The following LILRA4 variants were observed in gnomAD, a reference collection of about 807,000 sequenced individuals.
The protein encoded by LILRA4 is leukocyte immunoglobulin-like receptor subfamily A member 4.
In LILRA4, 51 loss-of-function variants were observed where a neutral mutation model predicts 49.5. The ratio of observed to expected loss-of-function variants is 1.03; its 90% CI spans 0.82 to 1.30. The LOEUF is 1.30. Among genes scored for constraint, LILRA4 ranks in the 50% most tolerant of loss-of-function variants. LILRA4 has a pLI of 0.00. For synonymous variants in LILRA4, 272 were observed against 265.6 expected (o/e 1.02, Z -0.23); for missense variants, 624 against 625.6 (o/e 1.00, Z 0.03).
At position 54,337,420 on chromosome 19, in the gene LILRA4, G is replaced by A. The variant is rs866035700; in HGVS notation, c.932C>T (p.Pro311Leu). 1 of 1,611,558 alleles carries A rather than the reference G, an allele frequency of 6.2e-7. No homozygotes were observed. Among genetic ancestry groups the A allele is most frequent in the Non-Finnish European group, 8.5e-7 (1 of 1,179,844 alleles). Residue 311 changes from proline (P) to leucine (L), a missense_variant, in exon 5 of 8, where the codon CCC (proline) becomes CTC (leucine). Transcript: ENST00000291759. ...VSSEWSAPSD[P>L]LDILIAGQIS... ...CTCACCTGCGATCAGGATATCCAGGGGGTCACTGGGGGCCGACCACTCGGA... is the reference window on the plus strand; with the variant it reads ...CTCACCTGCGATCAGGATATCCAGGAGGTCACTGGGGGCCGACCACTCGGA...
At chr19:54,337,806 G>T in intron 4 of LILRA4, 110 bp from the exon 5 acceptor site, 1 of 1,453,366 alleles carries the variant, frequency 6.9e-7, no homozygotes, top group Non-Finnish European at 9.2e-7. Flanking sequence ...TTCTCATTCT[G>T]TATTTGTGTC....
At chr19:54,336,719 G>A (rs906350350) in intron 6 of LILRA4, 122 bp downstream of exon 6, 9 of 1,435,710 alleles carry the variant, frequency 6.3e-6, no homozygotes, top group East Asian at 2.4e-5. Flanking sequence ...AAAGGCCGGG[G>A]CTGATGGAGG....
chr19:54,334,458 C>A (rs2081302407), intron 6 of LILRA4: 1 of 156,016 alleles, frequency 6.4e-6, no homozygotes, highest in African/African-American at 2.4e-5. Flanking sequence ...GACAGCTCCC[C>A]TGTGGTTTCA....
Position 54,336,851 on chromosome 19 carries a change from G to A in LILRA4, c.1245C>T (p.Leu415=), listed in dbSNP as rs147029717. ...GGTCAGCGCCCTCACCTGAGACCACGAGCTCCAGGGGCTCACTGGGGTGAG... is the reference window on the plus strand; with the variant it reads ...GGTCAGCGCCCTCACCTGAGACCACAAGCTCCAGGGGCTCACTGGGGTGAG... ...LLSHPSEPLE[L]VVSGATETLN... The change falls in exon 6 of 8, where the codon CTC becomes CTT. Residue 415 remains leucine (L), a synonymous_variant. Transcript: ENST00000291759. The A allele has an allele frequency of 1.3e-4, 206 of 1,614,204 alleles. 1 individual carries two copies. The Admixed American group carries it at 2.4e-3, about 19-fold the overall frequency.
rs1454839544 is a variant in LILRA4 at position 54,337,711 on chromosome 19, G to T, written c.656-15C>A. The T allele has an allele frequency of 1.2e-6, 2 of 1,609,732 alleles. No homozygotes were observed. Among genetic ancestry groups the T allele is most frequent in the African/African-American group, 1.3e-5 (1 of 74,908 alleles). On this transcript the variant is annotated splice_polypyrimidine_tract_variant and intron_variant, in intron 4 of 7. Transcript: ENST00000291759. ...CCTAGACACGCCTGGAGGGAAAGAT[G>T]AGTTGGGACTCGGAGCGGCTGGTTC...
rs983999305 is a variant in LILRA4, at chr19:54,338,329, A to G, written c.355+67T>C. The G allele has an allele frequency of 7.5e-6, 12 of 1,602,598 alleles. No individual in the cohort carries two copies. In the Admixed American group the frequency reaches 2.0e-4, roughly 27 times the overall value. ...GGGCTGTGAGAAGGGAGACCCCTCG[A>G]GAGCTGAGAGCCGACCCCCTTCCCG... On this transcript the variant is annotated intron_variant, in intron 3 of 7. Transcript: ENST00000291759.
Position 54,339,079 on chromosome 19 carries a change from G to A in LILRA4, c.15C>T (p.Leu5=), listed in dbSNP as rs1182661719. 16 of 1,614,222 alleles carry A rather than the reference G, an allele frequency of 9.9e-6. No individual in the cohort carries two copies. Among genetic ancestry groups the A allele is most frequent in the Non-Finnish European group, 1.3e-5 (15 of 1,180,028 alleles). The change falls in exon 1 of 8, where the codon CTC becomes CTT. Residue 5 remains leucine, a synonymous_variant. Coordinates refer to ENST00000291759, the MANE Select transcript of LILRA4 (RefSeq NM_012276.5). MTLI[L]TSLLFFGLSL... ...TCTCACCAAAGAAGAGCAGGCTTGT[G>A]AGAATGAGGGTCATGGCATCTCCTC...
Position 54,336,837 on chromosome 19 carries a change from T to C in LILRA4, c.1255+4A>G, listed in dbSNP as rs759362892. The C allele has an allele frequency of 4.3e-5, 70 of 1,613,900 alleles. No homozygotes were observed. The Middle Eastern group carries it at 4.9e-4, about 11-fold the overall frequency. On this transcript the variant is annotated splice_donor_region_variant and intron_variant, in intron 6 of 7. Transcript: ENST00000291759. Reference sequence around the variant, plus strand: ...CTCAGAGTGGACAGGGTCAGCGCCCTCACCTGAGACCACGAGCTCCAGGGG... The same window carrying C: ...CTCAGAGTGGACAGGGTCAGCGCCCCCACCTGAGACCACGAGCTCCAGGGG...
At position 54,338,449 on chromosome 19, in the gene LILRA4, T is replaced by C; in HGVS notation, c.302A>G (p.Gln101Arg). Residue 101 changes from glutamine to arginine, a missense_variant, in exon 3 of 8, where the codon CAG (glutamine) becomes CGG (arginine). By Grantham distance (43) the Gln-to-Arg change is conservative. Transcript: ENST00000291759. The part of the protein sequence containing the change: ...EHAGRYHCYY[Q>R]SPAGWSEPSD... ...GGGCTCTGACCAGCCTGCAGGGCTCTGATAGTAACAGTGATATCGCCCTGC... is the reference window on the plus strand; with the variant it reads ...GGGCTCTGACCAGCCTGCAGGGCTCCGATAGTAACAGTGATATCGCCCTGC... 6.2e-7 allele frequency: 1 copy of C among 1,614,164 alleles called. No individual in the cohort carries two copies. The highest frequency in any genetic ancestry group is 8.5e-7 in the Non-Finnish European group (1 of 1,180,012).
chr19:54,337,723 G>C (rs376624049), intron 4 of LILRA4, 27 bp from the exon 5 acceptor site: 108 of 1,601,128 alleles, frequency 6.7e-5, no homozygotes, highest in Non-Finnish European at 8.8e-5. Flanking sequence ...GTTGGGACTC[G>C]GAGCGGCTGG....
rs781294862 is a variant in LILRA4, at chr19:54,333,675, T to A, written c.1397A>T (p.Glu466Val). 2.5e-6 allele frequency: 4 copies of A among 1,614,074 alleles called. No homozygotes were observed. Among genetic ancestry groups the A allele is most frequent in the Non-Finnish European group, 3.4e-6 (4 of 1,180,008 alleles). The stretch of plus-strand genomic sequence containing the variant: ...GGGGCTTCTCTGGCTGTGCTGAGCC[T>A]CAAATAACAGAATCCCGAGGAACAG... ...VLLFLGILLFEAQHSQRSPPR... is the reference protein window; with the variant it reads ...VLLFLGILLFVAQHSQRSPPR... The change falls in exon 8 of 8, where the codon GAG becomes GTG. Residue 466 changes from glutamate (E) to valine (V), a missense_variant. Transcript: ENST00000291759.
intron 6 of LILRA4, chr19:54,335,709 G>A (rs1336066948): frequency 6.6e-6 from 1 of 152,208 alleles, no homozygotes; most frequent in Non-Finnish European, 1.5e-5. Context: ...ATGTTGGCCA[G>A]GCTGGTCTTT....
Position 54,338,176 on chromosome 19 carries a change from C to T in LILRA4, c.415G>A (p.Val139Met). 5.0e-6 allele frequency: 8 copies of T among 1,614,052 alleles called. No homozygotes were observed. Among genetic ancestry groups the T allele is most frequent in the South Asian group, 1.1e-5 (1 of 91,084 alleles). ...PSPVVTSGVN[V>M]TLRCASRLGL... is the part of the protein sequence containing the mutation. Reference sequence around the variant, plus strand: ...AGCCGTGAGGCACACCGGAGGGTCACGTTCACTCCTGAGGTCACCACAGGG... The same window carrying T: ...AGCCGTGAGGCACACCGGAGGGTCATGTTCACTCCTGAGGTCACCACAGGG... Residue 139 changes from valine (V) to methionine (M), a missense_variant, in exon 4 of 8, where the codon GTG becomes ATG. Transcript: ENST00000291759.
chr19:54,335,048 A>G (rs9676915), intron 6 of LILRA4: 7 of 152,132 alleles, frequency 4.6e-5, no homozygotes, highest in Admixed American at 4.6e-4. Context: ...GATGAAAAAT[A>G]TTAAGCACAG....
intron 4 of LILRA4, 44 bp from the exon 5 acceptor site, chr19:54,337,740 C>T (rs777383958): frequency 8.2e-6 from 13 of 1,580,668 alleles, no homozygotes; most frequent in Admixed American, 5.5e-5. Flanking sequence ...CTGGTTCCTC[C>T]TGCGCCCCTT....
Position 54,333,562 on chromosome 19 carries a change from C to T in LILRA4, c.*10G>A, listed in dbSNP as rs2122172204. 1 of 1,613,166 alleles carries T rather than the reference C, an allele frequency of 6.2e-7. No individual in the cohort carries two copies. On this transcript the variant is annotated 3_prime_UTR_variant, in exon 8 of 8. Coordinates refer to ENST00000291759, the MANE Select transcript of LILRA4 (RefSeq NM_012276.5). ...CTGCTGCCCCAGTCTTCCAGAACCT[C>T]CTCAGATCATCAGATCTGTTCCCAA... is the stretch of plus-strand genomic sequence containing the variant.
chr19:54,333,319 G>A lies in LILRA4; in HGVS notation c.*253C>T. 2 of 562,428 alleles carry A rather than the reference G, an allele frequency of 3.6e-6. No individual in the cohort carries two copies. The highest frequency in any genetic ancestry group is 5.9e-5 in the East Asian group (2 of 33,710). The allele number at this position is 562,428 out of a possible 1,614,324, so 34.8% of individuals were successfully genotyped here. Reference sequence around the variant, plus strand: ...GTGTATTACCTGAAAGTGGAGCAGAGCATGAGGTCACAGAGGGGCGGACCC... The same window carrying A: ...GTGTATTACCTGAAAGTGGAGCAGAACATGAGGTCACAGAGGGGCGGACCC... On this transcript the variant is annotated 3_prime_UTR_variant, in exon 8 of 8. Transcript: ENST00000291759.
At chr19:54,336,413 TCTTCC>T in intron 6 of LILRA4, 5 of 222,076 alleles carry the variant, frequency 2.3e-5, no homozygotes, top group South Asian at 9.9e-5. Context: ...GGGGCCTCCG[TCTTCC>T]ACCCTCAGTC....
chr19:54,336,625 C>T (rs1601225767), intron 6 of LILRA4: 2 of 770,548 alleles, frequency 2.6e-6, no homozygotes, highest in East Asian at 2.7e-5. Context: ...CCCCTGTGGA[C>T]CCTCCCCCTT....
Sources: gnomAD v4.1 joint callset for allele counts on GRCh38, gnomAD v4.1.1 for gene constraint, MANE v1.5 for transcripts, NCBI Gene and HGNC (gene_info 2026-07-23, HGNC 2026-07-21) for gene names.